Variants in FBXL18 observed in about 807,000 individuals in gnomAD.
FBXL18 encodes F-box and leucine rich repeat protein 18.
Under a neutral mutation model 46.0 loss-of-function variants are expected in FBXL18, and 36 were observed. The observed-to-expected ratio is 0.78, with a 90% CI of 0.60 to 1.03. The LOEUF is 1.03. Ranked by LOEUF, FBXL18 falls within the 50% of genes least tolerant of loss-of-function variation. FBXL18 has a pLI of 0.00. For missense variants in FBXL18, 977 were observed against 1,004.1 expected (o/e 0.97, Z 0.36); for synonymous variants, 557 against 465.3 (o/e 1.20, Z -2.54).
At chr7:5,473,943 C>T (rs1440525741), downstream of FBXL18, among the ~76,000 whole-genome samples, 2 of 151,896 alleles carry the variant, frequency 1.3e-5, no homozygotes, top group African/African-American at 2.4e-5. Flanking sequence ...TACAGGCGTG[C>T]GCCACACCAT....
In FBXL18 at chr7:5,478,129, T is replaced by G. The variant is rs1783559365; in HGVS notation, c.*3646A>C. Reference sequence around the variant, plus strand: ...GCTCAGCCCGTCCTGGCTGCCGTCCTGGGTCGAAGCAGCAAGTGTCTTCCC... The same window carrying G: ...GCTCAGCCCGTCCTGGCTGCCGTCCGGGGTCGAAGCAGCAAGTGTCTTCCC... On this transcript the variant is annotated 3_prime_UTR_variant, in exon 5 of 5. Transcript: ENST00000382368. 6.6e-6 allele frequency: 1 copy of G among 152,396 alleles called. No homozygotes were observed. Among genetic ancestry groups the G allele is most frequent in the Admixed American group, 6.5e-5 (1 of 15,284 alleles). The allele number at this position is 152,396 out of a possible 1,614,324, so 9.4% of individuals were successfully genotyped here.
chr7:5,500,037 C>A (rs893831683), intron 3 of FBXL18, among the ~76,000 whole-genome samples: 1 of 150,520 alleles, frequency 6.6e-6, no homozygotes, highest in African/African-American at 2.5e-5. Context: ...TGCACTCCAG[C>A]TTGGATGACA....
In FBXL18 at chr7:5,476,978, C is replaced by G. The variant is rs1783531530; in HGVS notation, c.*4797G>C. On this transcript the variant is annotated 3_prime_UTR_variant, in exon 5 of 5. Transcript: ENST00000382368. ...TCTCAGCTCACTGCAAGCTCCGCCT[C>G]CCAGGTTCATGCCATTCTCCTGCCT... 1 of 151,940 alleles carries G rather than the reference C, an allele frequency of 6.6e-6. No individual in the cohort carries two copies. Among genetic ancestry groups the G allele is most frequent in the Non-Finnish European group, 1.5e-5 (1 of 68,012 alleles). 9.4% of individuals were successfully genotyped at this position (151,940 alleles called of 1,614,324 possible).
rs183269346 is a variant in FBXL18 at position 5,468,719 on chromosome 7, G to C, written c.2001-20876C>G. On this transcript the variant is annotated intron_variant and NMD_transcript_variant, in intron 4 of 6. Coordinates refer to the FBXL18 transcript ENST00000415009. ...GGGCTCAAACGATCCTCCCACCTCA[G>C]CCTCTCAAGTAGCTGAGACTACAGA... is the stretch of plus-strand genomic sequence containing the variant. 3.7e-3 allele frequency among the ~76,000 whole-genome samples: 563 copies of C among 152,196 alleles called. 1 individual carries two copies. Among genetic ancestry groups the C allele is most frequent in the South Asian group, 8.9e-3 (43 of 4,818 alleles).
intron 4 of FBXL18, among the ~76,000 whole-genome samples, chr7:5,488,950 C>T (rs527620036): frequency 6.6e-6 from 1 of 152,342 alleles, no homozygotes; most frequent in South Asian, 2.1e-4. Context: ...TGGGGTACAT[C>T]AGCAGGTGTC....
At chr7:5,464,455 A>G (rs1465082880) in intron 4 of FBXL18, among the ~76,000 whole-genome samples, 1 of 151,832 alleles carries the variant, frequency 6.6e-6, no homozygotes, top group Non-Finnish European at 1.5e-5. Flanking sequence ...ACTCCAGCCC[A>G]GGAGACAGAG....
chr7:5,481,859 G>C lies in FBXL18; in HGVS notation c.2073C>G (p.Ile691Met). 2 of 1,613,886 alleles carry C rather than the reference G, an allele frequency of 1.2e-6. No individual in the cohort carries two copies. Among genetic ancestry groups the C allele is most frequent in the Non-Finnish European group, 1.7e-6 (2 of 1,179,970 alleles). Residue 691 changes from isoleucine (I) to methionine (M), a missense_variant, in exon 5 of 5, where the codon ATC (isoleucine) becomes ATG (methionine). Ile to Met is a conservative substitution (Grantham distance 10). Transcript: ENST00000382368. ...PLLHEGLTDV[I>M]RDVPLVHLDE... is the part of the protein sequence containing the mutation. ...CCAGGTGCACCAGGGGGACGTCCCG[G>C]ATGACGTCGGTCAGGCCCTCGTGGA...
At chr7:5,508,436 T>C (rs1272274006) in intron 1 of FBXL18, among the ~76,000 whole-genome samples, 1 of 129,602 alleles carries the variant, frequency 7.7e-6, no homozygotes, top group Non-Finnish European at 1.7e-5. Flanking sequence ...AGCGAGACTT[T>C]GTCTAAAAAA....
chr7:5,495,434 G>T (rs1051480078), intron 3 of FBXL18, among the ~76,000 whole-genome samples: 1 of 152,228 alleles, frequency 6.6e-6, no homozygotes, highest in Non-Finnish European at 1.5e-5. Context: ...ACCGCAAGCA[G>T]GGCTTAGCTG....
intron 4 of FBXL18, among the ~76,000 whole-genome samples, chr7:5,487,860 G>A (rs544633809): frequency 2.6e-5 from 4 of 152,298 alleles, no homozygotes; most frequent in East Asian, 3.9e-4. Flanking sequence ...GCGGGACATC[G>A]GAGGGGGAGG....
At position 5,505,491 on chromosome 7, in the gene FBXL18, C is replaced by T. The variant is rs759205069; in HGVS notation, c.158G>A (p.Arg53Gln). 2.3e-5 allele frequency: 37 copies of T among 1,613,962 alleles called. No homozygotes were observed. Among genetic ancestry groups the T allele is most frequent in the Middle Eastern group, 3.3e-4 (2 of 6,084 alleles). ...GGCTGCAAGCTTCCGACAGGTACGCCGGACGTTCAGAATCAGATCTGTGCT... is the reference window on the plus strand; with the variant it reads ...GGCTGCAAGCTTCCGACAGGTACGCTGGACGTTCAGAATCAGATCTGTGCT... Reference protein sequence around the residue: ...VPSTDLILNVRRTCRKLAALC... With the variant: ...VPSTDLILNVQRTCRKLAALC... The change falls in exon 2 of 5, where the codon CGG becomes CAG. Residue 53 changes from arginine to glutamine, a missense_variant. Physicochemically the swap from Arg to Gln is conservative, Grantham distance 43 (BLOSUM62 1). Transcript: ENST00000382368.
intron 3 of FBXL18, among the ~76,000 whole-genome samples, chr7:5,493,290 G>A (rs1374014881): frequency 2.6e-5 from 4 of 152,286 alleles, no homozygotes; most frequent in African/African-American, 9.6e-5. Context: ...AGCTAGGATC[G>A]TGCCACTGCA....
chr7:5,467,224 G>A (rs1348354682), intron 4 of FBXL18, among the ~76,000 whole-genome samples: 5 of 152,098 alleles, frequency 3.3e-5, no homozygotes, highest in African/African-American at 1.2e-4. Flanking sequence ...GGTGGCGAGC[G>A]CCTGTAGTCC....
chr7:5,500,168 C>T lies in FBXL18; in HGVS notation c.1781+320G>A, dbSNP rs536454726. The stretch of plus-strand genomic sequence containing the variant: ...GTTCGAATCCTGCCTCCCCCACCTA[C>T]TGGCTCTGCTGAGTGGCAACAATGA... On this transcript the variant is annotated intron_variant, in intron 3 of 4. Coordinates refer to ENST00000382368, the MANE Select transcript of FBXL18 (RefSeq NM_024963.6). Among the ~76,000 whole-genome samples, 46 of 152,016 alleles carry T rather than the reference C, an allele frequency of 3.0e-4. No homozygotes were observed. The South Asian group carries it at 7.9e-3, about 26-fold the overall frequency.
Position 5,481,934 on chromosome 7 carries a change from G to A in FBXL18, c.2001-3C>T, listed in dbSNP as rs1165601749. The A allele has an allele frequency of 1.3e-6, 2 of 1,599,990 alleles. No homozygotes were observed. Among genetic ancestry groups the A allele is most frequent in the African/African-American group, 1.3e-5 (1 of 74,628 alleles). ...ACGCGGGCCGCTCGGCCTGGAAGCT[G>A]AACCAGAGACAGGCGGTCAGCGGAT... On this transcript the variant is annotated splice_region_variant and splice_polypyrimidine_tract_variant and intron_variant, in intron 4 of 4. Coordinates refer to ENST00000382368, the MANE Select transcript of FBXL18 (RefSeq NM_024963.6).
At chr7:5,468,048 T>C (rs1006690066) in intron 4 of FBXL18, among the ~76,000 whole-genome samples, 8 of 151,382 alleles carry the variant, frequency 5.3e-5, no homozygotes, top group Non-Finnish European at 1.0e-4. Context: ...AGTGGCACGA[T>C]CTCGGCTCAC....
intron 4 of FBXL18, among the ~76,000 whole-genome samples, chr7:5,459,087 A>C (rs1451246865): frequency 6.6e-6 from 1 of 152,220 alleles, no homozygotes; most frequent in Non-Finnish European, 1.5e-5. Flanking sequence ...CAGGAAGTCG[A>C]GGCTGCAGTG....
downstream of FBXL18, among the ~76,000 whole-genome samples, chr7:5,474,394 G>A (rs1391766215): frequency 6.7e-6 from 1 of 148,576 alleles, no homozygotes; most frequent in Non-Finnish European, 1.5e-5. Context: ...CTGCAACAGT[G>A]ACCTCCCAGG....
Position 5,468,359 on chromosome 7 carries a change from T to C in FBXL18, c.2001-20516A>G, listed in dbSNP as rs945898862. On this transcript the variant is annotated intron_variant and NMD_transcript_variant, in intron 4 of 6. Coordinates refer to the FBXL18 transcript ENST00000415009. ...GCCTCGATCTCCTGACCTCATGATC[T>C]GCCCGCCTTGGCCTCCCAAAGTGCT... Among the ~76,000 whole-genome samples, 9 of 151,446 alleles carry C rather than the reference T, an allele frequency of 5.9e-5. No homozygotes were observed. In the East Asian group the frequency reaches 9.7e-4, roughly 16 times the overall value.
Sources: gnomAD v4.1 joint callset for allele counts (sites outside exome capture counted in the v4.1 genomes callset) on GRCh38, gnomAD v4.1.1 for gene constraint, MANE v1.5 for transcripts, NCBI Gene and HGNC (gene_info 2026-07-23, HGNC 2026-07-21) for gene names.